The following ALK variants were observed in gnomAD, a reference collection of about 807,000 sequenced individuals.
The protein encoded by ALK is ALK tyrosine kinase receptor.
ALK carries 74 observed loss-of-function variants against 163.1 expected under a neutral mutation model. The observed-to-expected ratio is 0.45, with a 90% confidence interval of 0.38 to 0.55. The LOEUF (loss-of-function observed/expected upper bound fraction) is 0.55. Ranked by LOEUF, ALK falls within the 20% of genes least tolerant of loss-of-function variation. The pLI, the probability that ALK is intolerant of heterozygous loss-of-function variation, is 0.00. For missense variants in ALK, 2,063 were observed against 2,105.3 expected (o/e 0.98, Z 0.39); for synonymous variants, 960 against 843.2 (o/e 1.14, Z -2.40).
chr2:29,494,350 A>C (rs1017740023), intron 4 of ALK, among the ~76,000 whole-genome samples: 5 of 152,196 alleles, frequency 3.3e-5, no homozygotes, highest in Non-Finnish European at 7.4e-5. Context: ...AAAATGAAAC[A>C]GGAGCTGCGG....
intron 9 of ALK, among the ~76,000 whole-genome samples, chr2:29,294,883 T>C (rs889438787): frequency 6.6e-6 from 1 of 152,180 alleles, no homozygotes; most frequent in Non-Finnish European, 1.5e-5. Context: ...TTGGTTTCTT[T>C]GGGGCCAGTC....
chr2:29,249,027 G>T (rs1664754545), intron 12 of ALK, among the ~76,000 whole-genome samples: 1 of 152,272 alleles, frequency 6.6e-6, no homozygotes, highest in South Asian at 2.1e-4. Context: ...CCACGTGTAA[G>T]CATTGTGCCA....
At chr2:29,552,007 T>C (rs1434361913) in intron 3 of ALK, among the ~76,000 whole-genome samples, 5 of 152,132 alleles carry the variant, frequency 3.3e-5, no homozygotes, top group Non-Finnish European at 7.4e-5. Context: ...CACTTAACAA[T>C]AACTTTCCAT....
At chr2:29,870,719 G>A (rs961556079) in intron 1 of ALK, among the ~76,000 whole-genome samples, 1 of 152,098 alleles carries the variant, frequency 6.6e-6, no homozygotes, top group Non-Finnish European at 1.5e-5. Context: ...AAATAAAAAA[G>A]TCTAAGAAGA....
At chr2:29,424,922 G>A (rs1670098865) in intron 4 of ALK, among the ~76,000 whole-genome samples, 1 of 152,112 alleles carries the variant, frequency 6.6e-6, no homozygotes, top group African/African-American at 2.4e-5. Context: ...CAGACCTCCA[G>A]GCAGAGAGTA....
chr2:29,228,917 A>AACC lies in ALK; in HGVS notation c.2781_2782insGGT (p.Gly927dup). 9 of 1,374,992 alleles carry AACC rather than the reference A, an allele frequency of 6.5e-6. No individual in the cohort carries two copies. Among genetic ancestry groups the AACC allele is most frequent in the Non-Finnish European group, 8.2e-6 (8 of 975,728 alleles). The allele number at this position is 1,374,992 out of a possible 1,614,324, so 85.2% of individuals were successfully genotyped here. A position where few individuals can be genotyped will look rare whatever the true frequency, so the allele number is the denominator to read the frequency against. ...CCTCCGCCTCCTCCACCTGAGGAGC[A>AACC]CCCCCCTCCACCCCCTCCGAAACCC... On this transcript the variant is annotated inframe_insertion, in exon 16 of 29. Coordinates refer to ENST00000389048, the MANE Select transcript of ALK (RefSeq NM_004304.5).
intron 3 of ALK, among the ~76,000 whole-genome samples, chr2:29,690,001 A>G (rs1573558058): frequency 6.6e-6 from 1 of 152,154 alleles, no homozygotes; most frequent in Non-Finnish European, 1.5e-5. Context: ...TTGATTTCAT[A>G]CTCTTGGCTT....
intron 1 of ALK, among the ~76,000 whole-genome samples, chr2:29,904,422 C>T (rs534880737): frequency 6.6e-6 from 1 of 152,168 alleles, no homozygotes; most frequent in East Asian, 1.9e-4. Flanking sequence ...ACAAGATAAA[C>T]TCTAACTGTG....
At chr2:29,802,662 T>C (rs1388851934) in intron 1 of ALK, among the ~76,000 whole-genome samples, 5 of 151,122 alleles carry the variant, frequency 3.3e-5, no homozygotes, top group Non-Finnish European at 7.4e-5. Context: ...AGTTGGTAGA[T>C]TATTCAGGAT....
chr2:29,306,187 T>A (rs1360982379), intron 8 of ALK, among the ~76,000 whole-genome samples: 2 of 152,238 alleles, frequency 1.3e-5, no homozygotes, highest in African/African-American at 4.8e-5. Context: ...CGCTTGCACG[T>A]AGGCTTATCT....
intron 1 of ALK, among the ~76,000 whole-genome samples, chr2:29,765,603 T>G (rs926811084): frequency 6.6e-6 from 1 of 152,148 alleles, no homozygotes; most frequent in Admixed American, 6.5e-5. Flanking sequence ...TAAGCCACCA[T>G]GCCTGGCGCT....
chr2:29,428,698 A>G (rs181466980), intron 4 of ALK, among the ~76,000 whole-genome samples: 265 of 152,154 alleles, frequency 1.7e-3, no homozygotes, highest in Non-Finnish European at 2.5e-3. Flanking sequence ...AAAAAATAAT[A>G]CCAATTATTA....
chr2:29,696,290 A>C (rs1402752675), intron 2 of ALK, among the ~76,000 whole-genome samples: 1 of 152,176 alleles, frequency 6.6e-6, no homozygotes, highest in East Asian at 1.9e-4. Context: ...AGGAACAGAA[A>C]ACCAAATACG....
intron 5 of ALK, among the ~76,000 whole-genome samples, chr2:29,356,396 A>T (rs1272082282): frequency 1.3e-5 from 2 of 152,138 alleles, no homozygotes; most frequent in African/African-American, 2.4e-5. Context: ...GAATTCAGGC[A>T]GTCTGACTCT....
At chr2:29,663,236 AG>A (rs764817254) in intron 3 of ALK, among the ~76,000 whole-genome samples, 1 of 152,228 alleles carries the variant, frequency 6.6e-6, no homozygotes, top group Non-Finnish European at 1.5e-5. Context: ...AAAATGACCT[AG>A]TAATTATGTC....
intron 3 of ALK, among the ~76,000 whole-genome samples, chr2:29,636,413 G>C (rs1676534394): frequency 6.6e-6 from 1 of 152,050 alleles, no homozygotes; most frequent in South Asian, 2.1e-4. Context: ...AGAAACAAAT[G>C]ACCTTAGGTC....
intron 3 of ALK, among the ~76,000 whole-genome samples, chr2:29,558,723 C>T (rs930163929): frequency 6.6e-6 from 1 of 152,116 alleles, no homozygotes; most frequent in African/African-American, 2.4e-5. Context: ...AAACTTAGTG[C>T]GTTATTATGA....
intron 1 of ALK, among the ~76,000 whole-genome samples, chr2:29,870,864 G>C (rs1666559620): frequency 6.6e-6 from 1 of 152,164 alleles, no homozygotes; most frequent in Admixed American, 6.5e-5. Context: ...TGAAGATTTA[G>C]ATCTCAGTTT....
intron 3 of ALK, among the ~76,000 whole-genome samples, chr2:29,644,680 A>G (rs1204872068): frequency 6.6e-6 from 1 of 152,084 alleles, no homozygotes; most frequent in Non-Finnish European, 1.5e-5. Context: ...ACCCCTAGCA[A>G]CCAGATATGC....
Sources: allele counts gnomAD v4.1 joint callset (sites outside exome capture counted in the v4.1 genomes callset), GRCh38; gene constraint gnomAD v4.1.1; transcripts MANE v1.5; gene names NCBI Gene and HGNC (gene_info 2026-07-23, HGNC 2026-07-21).